Variants in NUP37 observed in about 807,000 individuals in gnomAD.
NUP37 encodes nucleoporin 37, also known as nucleoporin Nup37.
In NUP37, 33 loss-of-function variants were observed where a neutral mutation model predicts 45.4. That is an observed-to-expected ratio of 0.73 (90% CI 0.55 to 0.97). NUP37 has a LOEUF of 0.97. Among genes scored for constraint, NUP37 ranks in the 50% least tolerant of loss-of-function variants. The probability of loss-of-function intolerance (pLI) is 0.00; values close to 1 mark genes in which losing one functional copy is unlikely to be tolerated. For missense variants in NUP37, 365 were observed against 389.7 expected (o/e 0.94, Z 0.53); for synonymous variants, 127 against 130.7 (o/e 0.97, Z 0.19).
At chr12:102,115,651 CAT>C (rs1244563730) in intron 2 of NUP37, among the ~76,000 whole-genome samples, 5 of 152,300 alleles carry the variant, frequency 3.3e-5, no homozygotes, top group Admixed American at 6.5e-5. Context: ...TTCAGAAGCT[CAT>C]ATGTCCATCA....
chr12:102,088,955 C>T (rs1879558007), intron 5 of NUP37, among the ~76,000 whole-genome samples: 1 of 152,098 alleles, frequency 6.6e-6, no homozygotes, highest in Non-Finnish European at 1.5e-5. Flanking sequence ...TAACAAAGCA[C>T]ATCTTGCACC....
At chr12:102,076,697 A>G (rs1469900051) in intron 8 of NUP37, 100 bp downstream of exon 8, 3 of 947,244 alleles carry the variant, frequency 3.2e-6, no homozygotes, top group Non-Finnish European at 4.8e-6. Flanking sequence ...TAAGGGAAAA[A>G]AAAAATCCAG....
chr12:102,086,248 G>C lies in NUP37; in HGVS notation c.450-392C>G, dbSNP rs186793555. On this transcript the variant is annotated intron_variant, in intron 5 of 9. Transcript: ENST00000552283. ...TCAACTGACGATAATTACTACTGGG[G>C]CGCTTACAAACACACACACGCATGC... Among the ~76,000 whole-genome samples, 17 of 152,156 alleles carry C rather than the reference G, an allele frequency of 1.1e-4. No individual in the cohort carries two copies. In the East Asian group the frequency reaches 3.3e-3, roughly 29 times the overall value.
At chr12:102,112,080 G>A (rs1180801984) in intron 3 of NUP37, 28 bp downstream of exon 3, 5 of 1,603,304 alleles carry the variant, frequency 3.1e-6, no homozygotes, top group Non-Finnish European at 4.3e-6. Flanking sequence ...ACATTAGTAA[G>A]GAATGCATTT....
At chr12:102,104,458 A>G (rs1281753774) in intron 3 of NUP37, among the ~76,000 whole-genome samples, 2 of 152,064 alleles carry the variant, frequency 1.3e-5, no homozygotes, top group African/African-American at 2.4e-5. Context: ...GCCATGTACT[A>G]GTTTTAAAGT....
chr12:102,086,714 G>C (rs1879482645), intron 5 of NUP37, among the ~76,000 whole-genome samples: 2 of 152,148 alleles, frequency 1.3e-5, no homozygotes, highest in Admixed American at 1.3e-4. Context: ...CACTGGCACA[G>C]AGTATGGCAC....
intron 4 of NUP37, among the ~76,000 whole-genome samples, chr12:102,100,077 CA>C (rs1427116234): frequency 2.0e-5 from 3 of 152,064 alleles, no homozygotes; most frequent in African/African-American, 7.2e-5. Context: ...GCTTCTGTCA[CA>C]GTCTACAAGA....
In NUP37 at chr12:102,097,045, G is replaced by GTCCA. The variant is rs775673887; in HGVS notation, c.449+2057_449+2060dup. Among the ~76,000 whole-genome samples, 41 of 152,114 alleles carry GTCCA rather than the reference G, an allele frequency of 2.7e-4. 1 individual carries two copies. The highest frequency in any genetic ancestry group is 1.0e-3 in the Admixed American group (16 of 15,292). On this transcript the variant is annotated intron_variant, in intron 5 of 9. Coordinates refer to ENST00000552283, the MANE Select transcript of NUP37 (RefSeq NM_024057.4). ...GCTCTGTTTCCATAATGCCATATGG[G>GTCCA]TCCATATCTGCTCCACGTGTTTCTC...
At chr12:102,094,519 GA>G (rs1231377771) in intron 5 of NUP37, among the ~76,000 whole-genome samples, 1 of 151,910 alleles carries the variant, frequency 6.6e-6, no homozygotes, top group African/African-American at 2.4e-5. Flanking sequence ...GGTGGAGGAA[GA>G]ACACTCCATC....
chr12:102,092,552 G>A (rs1193422833), intron 5 of NUP37, among the ~76,000 whole-genome samples: 1 of 152,170 alleles, frequency 6.6e-6, no homozygotes, highest in Non-Finnish European at 1.5e-5. Flanking sequence ...TCAGGTTATA[G>A]ATGATTCAAA....
At chr12:102,085,545 TGAATAAA>T (rs1232370706) in intron 6 of NUP37, among the ~76,000 whole-genome samples, 1 of 152,196 alleles carries the variant, frequency 6.6e-6, no homozygotes, top group Admixed American at 6.5e-5. Flanking sequence ...AAGTGTAGTT[TGAATAAA>T]TGCCATTTAT....
rs1879206642 is a variant in NUP37 at position 102,077,497 on chromosome 12, C to T, written c.547G>A (p.Val183Ile). The T allele has an allele frequency of 6.2e-7, 1 of 1,611,952 alleles. No homozygotes were observed. Among genetic ancestry groups the T allele is most frequent in the Admixed American group, 1.7e-5 (1 of 59,900 alleles). Reference sequence around the variant, plus strand: ...CGGATTGTTCCATTCTTCTCTGCAACCATTAGCTGTAAGACAGAAAAATAA... The same window carrying T: ...CGGATTGTTCCATTCTTCTCTGCAATCATTAGCTGTAAGACAGAAAAATAA... ...WHPEETFKLMVAEKNGTIRFY... is the reference protein window; with the variant it reads ...WHPEETFKLMIAEKNGTIRFY... Residue 183 changes from valine (V) to isoleucine (I), a missense_variant, in exon 7 of 10, where the codon GTT becomes ATT. Val to Ile is a conservative substitution (Grantham distance 29, BLOSUM62 3). Coordinates refer to ENST00000552283, the MANE Select transcript of NUP37 (RefSeq NM_024057.4).
chr12:102,107,389 A>G (rs1880184521), intron 3 of NUP37, among the ~76,000 whole-genome samples: 1 of 152,116 alleles, frequency 6.6e-6, no homozygotes, highest in Non-Finnish European at 1.5e-5. Flanking sequence ...CTGTCAGTCT[A>G]TCTCCCCAAC....
In NUP37 at chr12:102,074,393, T is replaced by C. The variant is rs1300682559; in HGVS notation, c.942A>G (p.Gly314=). ...CCCAAAACAACAGCTTGTGGTCTCCTCCAATTACACACAGAGGGAGAGTTC... is the reference window on the plus strand; with the variant it reads ...CCCAAAACAACAGCTTGTGGTCTCCCCCAATTACACACAGAGGGAGAGTTC... ...WHRTLPLCVI[G]GDHKLLFWVT... Residue 314 remains glycine, a synonymous_variant, in exon 10 of 10, where the codon GGA becomes GGG. Transcript: ENST00000552283. 1 of 1,613,092 alleles carries C rather than the reference T, an allele frequency of 6.2e-7. No individual in the cohort carries two copies. Among genetic ancestry groups the C allele is most frequent in the Non-Finnish European group, 8.5e-7 (1 of 1,179,478 alleles).
intron 6 of NUP37, among the ~76,000 whole-genome samples, chr12:102,080,243 TAGA>T (rs1415460659): frequency 1.3e-5 from 2 of 152,160 alleles, no homozygotes; most frequent in African/African-American, 4.8e-5. Context: ...GTATTCTTAA[TAGA>T]AGAAGTGGAA....
At chr12:102,099,471 C>CATTTTT (rs1565833883) in intron 4 of NUP37, among the ~76,000 whole-genome samples, 1 of 149,952 alleles carries the variant, frequency 6.7e-6, no homozygotes, top group African/African-American at 2.5e-5. Context: ...CACACACACA[C>CATTTTT]ATTTTTATTG....
chr12:102,117,139 T>G (rs993035520), intron 2 of NUP37, among the ~76,000 whole-genome samples: 2 of 152,164 alleles, frequency 1.3e-5, no homozygotes, highest in Non-Finnish European at 1.5e-5. Flanking sequence ...CATTATAATT[T>G]GAGAAATACG....
chr12:102,076,337 A>G (rs1879165781), intron 8 of NUP37, among the ~76,000 whole-genome samples: 1 of 152,192 alleles, frequency 6.6e-6, no homozygotes, highest in Admixed American at 6.5e-5. Flanking sequence ...TGGCTTAAGG[A>G]CCACACTATA....
At chr12:102,096,953 A>C (rs1029245215) in intron 5 of NUP37, among the ~76,000 whole-genome samples, 2 of 151,906 alleles carry the variant, frequency 1.3e-5, no homozygotes, top group African/African-American at 4.8e-5. Flanking sequence ...GATGTTGTGC[A>C]TCAACCCGAA....
Sources: allele counts gnomAD v4.1 joint callset (sites outside exome capture counted in the v4.1 genomes callset), GRCh38; gene constraint gnomAD v4.1.1; transcripts MANE v1.5; gene names NCBI Gene and HGNC (gene_info 2026-07-23, HGNC 2026-07-21).